The following MYO9B variants were observed in gnomAD, a reference collection of about 807,000 sequenced individuals.
MYO9B encodes myosin IXB.
MYO9B carries 71 observed loss-of-function variants against 229.5 expected under a neutral mutation model. That is an observed-to-expected ratio of 0.31 (90% CI 0.26 to 0.38). MYO9B has a LOEUF of 0.38. Ranked by LOEUF, MYO9B falls within the 10% of genes least tolerant of loss-of-function variation. MYO9B has a pLI of 1.00. For synonymous variants in MYO9B, 1,185 were observed against 1,235.8 expected, an observed-to-expected ratio of 0.96 and a Z score of 0.86; for missense variants, 2,255 against 2,920.5, an observed-to-expected ratio of 0.77 and a Z score of 5.25.
intron 34 of MYO9B, 142 bp downstream of exon 34, chr19:17,206,926 G>A (rs1322705675): frequency 8.2e-7 from 1 of 1,212,892 alleles, no homozygotes; most frequent in African/African-American, 1.5e-5. Context: ...TTCTGGGAGG[G>A]GGCCAGGCTG....
At position 17,145,483 on chromosome 19, in the gene MYO9B, C is replaced by T. The variant is rs752723213; in HGVS notation, c.927C>T (p.Ile309=). 17 of 1,613,712 alleles carry T rather than the reference C, an allele frequency of 1.1e-5. No homozygotes were observed. Among genetic ancestry groups the T allele is most frequent in the South Asian group, 6.6e-5 (6 of 91,078 alleles). Reference sequence around the variant, plus strand: ...AAGTCAGCTACCTAGAGAGTGGCATCGTGAGAGGGTGAGGTGTCCCTGGGG... The same window carrying T: ...AAGTCAGCTACCTAGAGAGTGGCATTGTGAGAGGGTGAGGTGTCCCTGGGG... ...FIQVSYLESG[I]VRGAVVEKYL... Residue 309 remains isoleucine, a synonymous_variant, in exon 3 of 40, where the codon ATC becomes ATT. Coordinates refer to ENST00000682292, the MANE Select transcript of MYO9B (RefSeq NM_004145.4).
chr19:17,099,950 T>C (rs1416317893), intron 1 of MYO9B, among the ~76,000 whole-genome samples: 40 of 150,522 alleles, frequency 2.7e-4, no homozygotes, highest in Non-Finnish European at 5.9e-5. Context: ...AAACCCTGTC[T>C]ATGCTAAAAA....
Position 17,211,938 on chromosome 19 carries a change from G to A in MYO9B, c.6102G>A (p.Pro2034=), listed in dbSNP as rs760485644. Reference sequence around the variant, plus strand: ...TCCCTTGCCCCGGCGCGCCCACCCCGAGCCCCCTCCCCACCGTGGCCGCCC... The same window carrying A: ...TCCCTTGCCCCGGCGCGCCCACCCCAAGCCCCCTCCCCACCGTGGCCGCCC... ...PALPCPGAPT[P]SPLPTVAAPP... The change falls in exon 40 of 40, where the codon CCG becomes CCA. Residue 2034 remains proline, a synonymous_variant. Transcript: ENST00000682292. The A allele has an allele frequency of 2.4e-4, 82 of 343,348 alleles. No individual in the cohort carries two copies. Among genetic ancestry groups the A allele is most frequent in the Middle Eastern group, 8.0e-4 (1 of 1,246 alleles). 21.3% of individuals were successfully genotyped at this position (343,348 alleles called of 1,614,324 possible).
intron 2 of MYO9B, among the ~76,000 whole-genome samples, chr19:17,126,061 C>A (rs957565335): frequency 2.0e-5 from 3 of 152,172 alleles, no homozygotes; most frequent in African/African-American, 7.2e-5. Flanking sequence ...CTTCCTTGTG[C>A]CTGGCTGGCA....
At chr19:17,122,821 T>G (rs981100998) in intron 2 of MYO9B, among the ~76,000 whole-genome samples, 2 of 152,042 alleles carry the variant, frequency 1.3e-5, no homozygotes, top group East Asian at 3.9e-4. Flanking sequence ...CAGGGCCAGT[T>G]GCAGTGGCTC....
intron 2 of MYO9B, among the ~76,000 whole-genome samples, chr19:17,135,671 A>G (rs1568267801): frequency 6.6e-6 from 1 of 152,076 alleles, no homozygotes; most frequent in Non-Finnish European, 1.5e-5. Context: ...CGGGCCTGGG[A>G]GCAGCCTCTA....
At chr19:17,136,022 C>G (rs1056102136) in intron 2 of MYO9B, among the ~76,000 whole-genome samples, 1 of 151,610 alleles carries the variant, frequency 6.6e-6, no homozygotes, top group East Asian at 1.9e-4. Flanking sequence ...CTGTCCCCCC[C>G]ACCCCACCCC....
chr19:17,181,029 C>G lies in MYO9B; in HGVS notation c.2322C>G (p.Arg774=), dbSNP rs771644394. 6.2e-7 allele frequency: 1 copy of G among 1,608,460 alleles called. No individual in the cohort carries two copies. The change falls in exon 15 of 40, where the codon CGC becomes CGG. Residue 774 remains arginine (R), a synonymous_variant. Transcript: ENST00000682292. ...LQSLSRLQKP[R]AFILKSKGIK... ...CCCTCAGTCGGCTCCAGAAACCCCG[C>G]GCCTTCATCCTGTGAGTCCCCCACC... is the stretch of plus-strand genomic sequence containing the variant.
In MYO9B at chr19:17,210,391, G is replaced by T; in HGVS notation, c.5796+11G>T. On this transcript the variant is annotated intron_variant, in intron 37 of 39. Transcript: ENST00000682292. ...TATGAGGGGGTCCTGGTATGTACGC[G>T]TTCGGTGGGCCCGCGGTGCATGTCT... 1 of 1,588,286 alleles carries T rather than the reference G, an allele frequency of 6.3e-7. No homozygotes were observed. Among genetic ancestry groups the T allele is most frequent in the East Asian group, 2.3e-5 (1 of 44,140 alleles).
chr19:17,195,490 C>T lies in MYO9B; in HGVS notation c.4046+17C>T. The T allele has an allele frequency of 6.3e-7, 1 of 1,575,344 alleles. No individual in the cohort carries two copies. Among genetic ancestry groups the T allele is most frequent in the Non-Finnish European group, 8.6e-7 (1 of 1,168,086 alleles). ...GCCCACAGAGTAAGCCCCACACCCT[C>T]TTTTGTCTGAGCACCAGGGTCCAGG... On this transcript the variant is annotated intron_variant, in intron 22 of 39. Coordinates refer to ENST00000682292, the MANE Select transcript of MYO9B (RefSeq NM_004145.4). The surrounding 1 kb of genome is among the most constrained non-coding windows in gnomAD (Gnocchi z 4.5).
intron 1 of MYO9B, among the ~76,000 whole-genome samples, chr19:17,080,022 C>T (rs540113686): frequency 1.8e-4 from 28 of 152,170 alleles, no homozygotes; most frequent in Non-Finnish European, 4.0e-4. Flanking sequence ...ATGCAGCTGA[C>T]GAGTTTGGGT....
intron 2 of MYO9B, among the ~76,000 whole-genome samples, chr19:17,124,940 A>T (rs1213191774): frequency 2.6e-5 from 4 of 152,058 alleles, no homozygotes; most frequent in African/African-American, 9.7e-5. Flanking sequence ...AAATGAATTC[A>T]TGTCCTATCT....
chr19:17,130,937 A>G (rs1234969011), intron 2 of MYO9B, among the ~76,000 whole-genome samples: 1 of 152,084 alleles, frequency 6.6e-6, no homozygotes, highest in Non-Finnish European at 1.5e-5. Context: ...GACCCTGCTA[A>G]GTCAGTTTAA....
In MYO9B at chr19:17,120,846, C is replaced by T. The variant is rs572454450; in HGVS notation, c.840+18289C>T. Among the ~76,000 whole-genome samples, 6 of 152,242 alleles carry T rather than the reference C, an allele frequency of 3.9e-5. No individual in the cohort carries two copies. In the South Asian group the frequency reaches 1.2e-3, roughly 32 times the overall value. On this transcript the variant is annotated intron_variant, in intron 2 of 39. Transcript: ENST00000682292. ...GAGCAGTTTAGTCCTGACATGGTGGCACATGCCTGTAGTTGCAGATAACTC... is the reference window on the plus strand; with the variant it reads ...GAGCAGTTTAGTCCTGACATGGTGGTACATGCCTGTAGTTGCAGATAACTC...
chr19:17,115,938 C>G (rs2057898898), intron 2 of MYO9B, among the ~76,000 whole-genome samples: 1 of 152,060 alleles, frequency 6.6e-6, no homozygotes, highest in South Asian at 2.1e-4. Flanking sequence ...CACACAGAGT[C>G]ATAAAGCAGT....
chr19:17,164,343 G>A (rs2072636401), intron 10 of MYO9B, among the ~76,000 whole-genome samples: 1 of 151,668 alleles, frequency 6.6e-6, no homozygotes, highest in African/African-American at 2.4e-5. Context: ...GCCTTTTAAG[G>A]ATTTGCTTAG....
At chr19:17,098,885 G>A (rs1056492976) in intron 1 of MYO9B, among the ~76,000 whole-genome samples, 5 of 149,680 alleles carry the variant, frequency 3.3e-5, no homozygotes, top group Admixed American at 6.7e-5. Flanking sequence ...GCAGTGAGCC[G>A]TGATCATGCC....
chr19:17,181,135 T>A, intron 15 of MYO9B, 95 bp downstream of exon 15: 1 of 817,894 alleles, frequency 1.2e-6, no homozygotes, highest in South Asian at 1.7e-5. Context: ...CTAATTTGCA[T>A]CGGCCACTAA....
At chr19:17,156,413 T>A (rs1263546168) in intron 6 of MYO9B, among the ~76,000 whole-genome samples, 2 of 151,376 alleles carry the variant, frequency 1.3e-5, no homozygotes, top group Non-Finnish European at 2.9e-5. Flanking sequence ...AGACCCTGTT[T>A]CCAAAAAAAA....
Sources: allele counts gnomAD v4.1 joint callset (sites outside exome capture counted in the v4.1 genomes callset), GRCh38; gene constraint gnomAD v4.1.1; non-coding constraint Gnocchi (gnomAD v3.1); transcripts MANE v1.5; gene names NCBI Gene and HGNC (gene_info 2026-07-23, HGNC 2026-07-21).